ANKS1B: variants seen among roughly 807,000 people sequenced by gnomAD.
The protein encoded by ANKS1B is ankyrin repeat and sterile alpha motif domain-containing protein 1B.
In ANKS1B, 36 loss-of-function variants were observed where a neutral mutation model predicts 148.3. The observed-to-expected ratio is 0.24, with a 90% CI of 0.19 to 0.32. The LOEUF is 0.32. ANKS1B is among the 10% of genes least tolerant of loss of function. The probability of loss-of-function intolerance (pLI) is 1.00; values close to 1 mark genes in which losing one functional copy is unlikely to be tolerated. For synonymous variants in ANKS1B, 542 were observed against 560.8 expected (o/e 0.97, Z 0.47); for missense variants, 1,157 against 1,542.6 (o/e 0.75, Z 4.19).
intron 22 of ANKS1B, chr12:98,794,692 T>C: frequency 1.1e-6 from 1 of 946,196 alleles, no homozygotes; most frequent in Admixed American, 1.7e-5. Context: ...ATAATTCATT[T>C]GAATTTGAAA....
intron 4 of ANKS1B, among the ~76,000 whole-genome samples, 181 bp from the exon 5 acceptor site, chr12:99,782,278 T>C (rs77882054): frequency 0.021 from 3,154 of 152,244 alleles, 115 homozygotes; most frequent in African/African-American, 0.072. Flanking sequence ...GGCTTGGGGA[T>C]TGTAAAATAC....
chr12:99,289,835 A>G (rs75821872), intron 12 of ANKS1B, among the ~76,000 whole-genome samples: 2 of 151,940 alleles, frequency 1.3e-5, no homozygotes, highest in Admixed American at 1.3e-4. Flanking sequence ...CTTTATATAA[A>G]CTACTTAATT....
At chr12:99,182,104 A>G (rs891355453) in intron 14 of ANKS1B, among the ~76,000 whole-genome samples, 3 of 152,154 alleles carry the variant, frequency 2.0e-5, no homozygotes, top group African/African-American at 2.4e-5. Context: ...GCCTCAGGAA[A>G]CTTATAATCA....
chr12:99,536,962 G>C (rs1443934261), intron 9 of ANKS1B, among the ~76,000 whole-genome samples: 1 of 152,008 alleles, frequency 6.6e-6, no homozygotes, highest in Non-Finnish European at 1.5e-5. Flanking sequence ...ATCTCCATGA[G>C]TTTGTTTTGC....
intron 17 of ANKS1B, among the ~76,000 whole-genome samples, chr12:98,921,360 C>T (rs1177748062): frequency 6.6e-6 from 1 of 152,158 alleles, no homozygotes; most frequent in Non-Finnish European, 1.5e-5. Context: ...CCCTACAGTA[C>T]ATTCTCTATA....
chr12:99,844,097 T>C (rs940196944), intron 1 of ANKS1B, among the ~76,000 whole-genome samples: 20 of 152,158 alleles, frequency 1.3e-4, no homozygotes, highest in African/African-American at 4.8e-4. Context: ...ATGGGGTTGT[T>C]TTTTTCTTGT....
At chr12:99,397,113 C>A (rs1244930875) in intron 12 of ANKS1B, among the ~76,000 whole-genome samples, 1 of 152,080 alleles carries the variant, frequency 6.6e-6, no homozygotes, top group African/African-American at 2.4e-5. Flanking sequence ...TTAATGCTCA[C>A]TGAATGAATG....
intron 8 of ANKS1B, among the ~76,000 whole-genome samples, chr12:99,755,144 C>T (rs1212515869): frequency 6.7e-6 from 1 of 148,720 alleles, no homozygotes; most frequent in Admixed American, 6.8e-5. Flanking sequence ...TTCAAATAAA[C>T]ACAATCAGAA....
chr12:99,070,688 G>GT (rs2045977719), intron 16 of ANKS1B, among the ~76,000 whole-genome samples: 6 of 152,098 alleles, frequency 3.9e-5, no homozygotes, highest in Admixed American at 3.3e-4. Context: ...TGTATTATTT[G>GT]TTTTTTTAGA....
intron 8 of ANKS1B, among the ~76,000 whole-genome samples, chr12:99,722,790 T>C (rs926819742): frequency 6.6e-6 from 1 of 152,134 alleles, no homozygotes; most frequent in Non-Finnish European, 1.5e-5. Context: ...AAAAGAACCA[T>C]AATAGCATGT....
intron 17 of ANKS1B, among the ~76,000 whole-genome samples, chr12:98,854,074 A>C (rs2099547803): frequency 6.6e-6 from 1 of 152,192 alleles, no homozygotes; most frequent in African/African-American, 2.4e-5. Context: ...TGGTCCACAC[A>C]CAGCCCCAAA....
intron 14 of ANKS1B, among the ~76,000 whole-genome samples, chr12:99,192,589 A>G (rs890922025): frequency 6.6e-6 from 1 of 152,162 alleles, no homozygotes; most frequent in Non-Finnish European, 1.5e-5. Context: ...GCTTATTTCT[A>G]ATAACAACGA....
intron 26 of ANKS1B, among the ~76,000 whole-genome samples, chr12:98,749,266 C>CTT (rs76494857): frequency 1.4e-5 from 2 of 143,952 alleles, no homozygotes; most frequent in African/African-American, 2.5e-5. Flanking sequence ...GCCCAGCTAA[C>CTT]TTTTTTTTTT....
chr12:99,919,100 T>C (rs893808783), intron 1 of ANKS1B, among the ~76,000 whole-genome samples: 3 of 152,212 alleles, frequency 2.0e-5, no homozygotes, highest in Non-Finnish European at 2.9e-5. Context: ...GGCCCTATGC[T>C]TGAGGCATCA....
intron 12 of ANKS1B, among the ~76,000 whole-genome samples, chr12:99,381,323 A>G (rs950603545): frequency 2.0e-5 from 3 of 152,350 alleles, no homozygotes; most frequent in African/African-American, 7.2e-5. Context: ...AGGGATTTGG[A>G]ATTCCAGCTT....
At chr12:99,003,757 C>T (rs1598325620) in intron 17 of ANKS1B, among the ~76,000 whole-genome samples, 1 of 152,170 alleles carries the variant, frequency 6.6e-6, no homozygotes, top group South Asian at 2.1e-4. Flanking sequence ...GGCAGACCTC[C>T]CGGTTTGCCA....
rs78950783 is a variant in ANKS1B, at chr12:98,877,109, A to C, written c.2779-44973T>G. Reference sequence around the variant, plus strand: ...GTTGGGGTCTGAGTGACTCATAAAAACATTATGTAGTTAAGCGATAGGCAC... The same window carrying C: ...GTTGGGGTCTGAGTGACTCATAAAACCATTATGTAGTTAAGCGATAGGCAC... On this transcript the variant is annotated intron_variant, in intron 17 of 26. Transcript: ENST00000683438. Among the ~76,000 whole-genome samples the C allele has an allele frequency of 5.5e-3, 834 of 152,300 alleles. 11 individuals carry two copies. The highest frequency in any genetic ancestry group is 0.019 in the African/African-American group (784 of 41,560).
chr12:99,451,315 C>G (rs1214674264), intron 10 of ANKS1B, among the ~76,000 whole-genome samples: 1 of 152,108 alleles, frequency 6.6e-6, no homozygotes, highest in African/African-American at 2.4e-5. Context: ...TGCAACATTA[C>G]AGTCTAGTAT....
chr12:99,004,533 C>T (rs2099934980), intron 17 of ANKS1B, among the ~76,000 whole-genome samples: 1 of 151,906 alleles, frequency 6.6e-6, no homozygotes, highest in South Asian at 2.1e-4. Flanking sequence ...ATGGCTTCAA[C>T]CCAAGGCAAC....
Sources: gnomAD v4.1 joint callset for allele counts (sites outside exome capture counted in the v4.1 genomes callset) on GRCh38, gnomAD v4.1.1 for gene constraint, MANE v1.5 for transcripts, NCBI Gene and HGNC (gene_info 2026-07-23, HGNC 2026-07-21) for gene names.